Variants in ECE1 observed in about 807,000 individuals in gnomAD.
ECE1 encodes the protein endothelin converting enzyme 1, also known as endothelin-converting enzyme 1.
In ECE1, 35 loss-of-function variants were observed where a neutral mutation model predicts 98.6. That is an observed-to-expected ratio of 0.35 (90% CI 0.27 to 0.47). The LOEUF (loss-of-function observed/expected upper bound fraction) is 0.47, where lower values mean the gene tolerates loss of function less well. Among genes scored for constraint, ECE1 ranks in the 20% least tolerant of loss-of-function variants. The probability of loss-of-function intolerance (pLI) is 1.00; values close to 1 mark genes in which losing one functional copy is unlikely to be tolerated. For synonymous variants in ECE1, 394 were observed against 407.1 expected (o/e 0.97, Z 0.39); for missense variants, 814 against 1,025.3 (o/e 0.79, Z 2.81).
At chr1:21,236,510 G>A (rs1392928444) in intron 12 of ECE1, among the ~76,000 whole-genome samples, 8 of 152,216 alleles carry the variant, frequency 5.3e-5, no homozygotes, top group East Asian at 1.9e-4. Flanking sequence ...TTAACCGAGC[G>A]TGGTGGCGCA....
In ECE1 at chr1:21,258,561, C is replaced by T. The variant is rs1323207295; in HGVS notation, c.762+132G>A. Reference sequence around the variant, plus strand: ...TCACCAGTGGGGCCTCTGGAAATAACCCAGGCTCAGAAACTAGAAGACCGC... The same window carrying T: ...TCACCAGTGGGGCCTCTGGAAATAATCCAGGCTCAGAAACTAGAAGACCGC... On this transcript the variant is annotated intron_variant, in intron 6 of 18. Transcript: ENST00000374893. The surrounding 1 kb of genome is among the most constrained non-coding windows in gnomAD (Gnocchi z 4.2). The T allele has an allele frequency of 7.0e-7, 1 of 1,424,512 alleles. No homozygotes were observed. Among genetic ancestry groups the T allele is most frequent in the Non-Finnish European group, 9.7e-7 (1 of 1,034,856 alleles). The allele number at this position is 1,424,512 out of a possible 1,614,324, so 88.2% of individuals were successfully genotyped here.
chr1:21,310,561 A>G (rs1400958727), intron 1 of ECE1, among the ~76,000 whole-genome samples: 3 of 152,158 alleles, frequency 2.0e-5, no homozygotes, highest in Non-Finnish European at 4.4e-5. Context: ...TGCTGTTAGC[A>G]GAAGAAAGGC....
At chr1:21,285,728 A>C (rs2098259816) in intron 2 of ECE1, among the ~76,000 whole-genome samples, 1 of 149,894 alleles carries the variant, frequency 6.7e-6, no homozygotes. Flanking sequence ...ACAGTGGCTC[A>C]TGCCTGCAAT....
intron 5 of ECE1, among the ~76,000 whole-genome samples, chr1:21,259,701 G>A (rs1442835880): frequency 6.6e-6 from 1 of 152,188 alleles, no homozygotes; most frequent in Non-Finnish European, 1.5e-5. Context: ...GAGGCAGGCA[G>A]AAAACATCCA....
chr1:21,300,657 A>G (rs1179070151), intron 1 of ECE1, among the ~76,000 whole-genome samples: 1 of 152,066 alleles, frequency 6.6e-6, no homozygotes, highest in Non-Finnish European at 1.5e-5. Context: ...GCTGGTCTCA[A>G]ACTCCTGACC....
At position 21,260,197 on chromosome 1, in the gene ECE1, G is replaced by A. The variant is rs1318360849; in HGVS notation, c.615+74C>T. The stretch of plus-strand genomic sequence containing the variant: ...ATGAGGTGGGCCAGTGGTACCAGAA[G>A]GCTGGAGTGGAAGCCAGGGGGCGGG... On this transcript the variant is annotated intron_variant, in intron 5 of 18. Transcript: ENST00000374893. The surrounding 1 kb of genome is among the most constrained non-coding windows in gnomAD (Gnocchi z 4.3). 8.1e-6 allele frequency: 13 copies of A among 1,608,336 alleles called. No individual in the cohort carries two copies. Among genetic ancestry groups the A allele is most frequent in the Middle Eastern group, 1.6e-4 (1 of 6,074 alleles).
At chr1:21,339,850 G>C (rs1467903274) in intron 1 of ECE1, among the ~76,000 whole-genome samples, 3 of 152,188 alleles carry the variant, frequency 2.0e-5, no homozygotes, top group Non-Finnish European at 2.9e-5. Flanking sequence ...AGCCCACCAA[G>C]ACAGGCCTGG....
chr1:21,244,850 C>A, intron 10 of ECE1, 139 bp downstream of exon 10: 1 of 791,542 alleles, frequency 1.3e-6, no homozygotes, highest in Non-Finnish European at 2.2e-6. Context: ...CCTCTTTACC[C>A]TTTACTTGGC....
chr1:21,277,458 G>A (rs1283621407), intron 3 of ECE1, among the ~76,000 whole-genome samples: 3 of 152,328 alleles, frequency 2.0e-5, no homozygotes, highest in South Asian at 4.1e-4. Flanking sequence ...GTGCTGGCCA[G>A]GGTCCACACT....
upstream of ECE1, among the ~76,000 whole-genome samples, chr1:21,295,185 G>A (rs1638321007): frequency 6.6e-6 from 1 of 152,162 alleles, no homozygotes; most frequent in Non-Finnish European, 1.5e-5. Flanking sequence ...CTCCCTCATA[G>A]GACTGTGGTG....
chr1:21,254,798 C>T (rs1268485603), intron 8 of ECE1, among the ~76,000 whole-genome samples: 3 of 152,216 alleles, frequency 2.0e-5, no homozygotes, highest in African/African-American at 7.2e-5. Context: ...GAGCCTCAGG[C>T]CAGTTTCTCT....
rs1350645256 is a variant in ECE1, at chr1:21,258,787, G to T, written c.668C>A (p.Thr223Asn). 4 of 1,614,110 alleles carry T rather than the reference G, an allele frequency of 2.5e-6. No homozygotes were observed. Among genetic ancestry groups the T allele is most frequent in the Non-Finnish European group, 3.4e-6 (4 of 1,180,050 alleles). The change falls in exon 6 of 19, where the codon ACC becomes AAC. Residue 223 changes from threonine to asparagine, a missense_variant. Physicochemically the swap from Thr to Asn is moderately conservative, Grantham distance 65. Transcript: ENST00000374893. The surrounding 1 kb of genome is among the most constrained non-coding windows in gnomAD (Gnocchi z 4.2). Reference sequence around the variant, plus strand: ...GTAGTGGGCGGTGACCACCTGCAGGGTGTCCTGGAAGTTGTCCTTGGCCCA... The same window carrying T: ...GTAGTGGGCGGTGACCACCTGCAGGTTGTCCTGGAAGTTGTCCTTGGCCCA... ...GPWAKDNFQD[T>N]LQVVTAHYRT...
Position 21,305,422 on chromosome 1 carries a change from C to T in ECE1, c.4-15266G>A, listed in dbSNP as rs370728503. 4.6e-5 allele frequency among the ~76,000 whole-genome samples: 7 copies of T among 152,304 alleles called. No homozygotes were observed. The South Asian group carries it at 1.0e-3, about 23-fold the overall frequency. On this transcript the variant is annotated intron_variant, in intron 1 of 18. Coordinates refer to the ECE1 transcript ENST00000415912. ...TTGAGTGAATCCCAACTCAGGCCTCCGACAACTGTAAATGTTCCAGCAAAC... is the reference window on the plus strand; with the variant it reads ...TTGAGTGAATCCCAACTCAGGCCTCTGACAACTGTAAATGTTCCAGCAAAC...
chr1:21,305,735 G>A (rs1569717683), intron 1 of ECE1, among the ~76,000 whole-genome samples: 1 of 152,224 alleles, frequency 6.6e-6, no homozygotes. Flanking sequence ...GCTCCACTCT[G>A]TGGGTTTGGG....
chr1:21,331,751 T>C (rs912506645), intron 1 of ECE1, among the ~76,000 whole-genome samples: 1 of 152,026 alleles, frequency 6.6e-6, no homozygotes, highest in African/African-American at 2.4e-5. Flanking sequence ...CCTCACAGGG[T>C]TGATGTGAAG....
chr1:21,222,174 G>GCACA, intron 17 of ECE1: 3 of 370,750 alleles, frequency 8.1e-6, no homozygotes, highest in Middle Eastern at 9.1e-4. Flanking sequence ...GTGTGTGCAT[G>GCACA]CACACACACA....
At chr1:21,239,467 A>T (rs768124288) in intron 10 of ECE1, among the ~76,000 whole-genome samples, 3 of 152,246 alleles carry the variant, frequency 2.0e-5, no homozygotes, top group Non-Finnish European at 2.9e-5. Flanking sequence ...AACTGACAAC[A>T]GCCAAAATGC....
upstream of ECE1, among the ~76,000 whole-genome samples, chr1:21,291,527 G>T (rs2098266582): frequency 6.6e-6 from 1 of 152,172 alleles, no homozygotes; most frequent in Non-Finnish European, 1.5e-5. Flanking sequence ...CCTTTAAAAT[G>T]AAATCTGGCT....
At position 21,235,564 on chromosome 1, in the gene ECE1, C is replaced by T. The variant is rs2103236248; in HGVS notation, c.1566+286G>A. 6.6e-6 allele frequency among the ~76,000 whole-genome samples: 1 copy of T among 152,304 alleles called. No individual in the cohort carries two copies. Among genetic ancestry groups the T allele is most frequent in the Non-Finnish European group, 1.5e-5 (1 of 68,034 alleles). ...ATTATTTCCCACATATTAAATGGAG[C>T]TGACCACTTCCAGGGGGCACACAGC... On this transcript the variant is annotated intron_variant, in intron 13 of 18. Coordinates refer to ENST00000374893, the MANE Select transcript of ECE1 (RefSeq NM_001397.3). This position sits in a 1 kb window ranked among gnomAD's most constrained non-coding sequence, Gnocchi z 4.2.
Sources: allele counts gnomAD v4.1 joint callset (sites outside exome capture counted in the v4.1 genomes callset), GRCh38; gene constraint gnomAD v4.1.1; non-coding constraint Gnocchi (gnomAD v3.1); transcripts MANE v1.5; gene names NCBI Gene and HGNC (gene_info 2026-07-23, HGNC 2026-07-21).